The following DPP6 variants were observed in gnomAD, a reference collection of about 807,000 sequenced individuals.
DPP6 encodes the protein A-type potassium channel modulatory protein DPP6.
A neutral mutation model predicts 122.6 loss-of-function variants in DPP6; 69 were observed. The observed-to-expected ratio is 0.56, with a 90% CI of 0.46 to 0.69. The LOEUF is 0.69. Ranked by LOEUF, DPP6 falls within the 30% of genes least tolerant of loss-of-function variation. DPP6 has a pLI of 0.00. For missense variants in DPP6, 928 were observed against 1,116.9 expected (o/e 0.83, Z 2.41); for synonymous variants, 418 against 433.1 (o/e 0.97, Z 0.43).
At chr7:153,877,062 T>C in the DPP6 span, among the ~76,000 whole-genome samples, 1 of 151,960 alleles carries the variant, frequency 6.6e-6, no homozygotes, top group Non-Finnish European at 1.5e-5. Context: ...TACACTACTG[T>C]AGACTTTCCC....
intron 6 of DPP6, among the ~76,000 whole-genome samples, chr7:154,653,460 T>C (rs1318882940): frequency 6.6e-6 from 1 of 152,110 alleles, no homozygotes; most frequent in Non-Finnish European, 1.5e-5. Flanking sequence ...AGATGACAGA[T>C]AGACATATAG....
At chr7:154,839,932 C>T (rs190208077) in intron 16 of DPP6, among the ~76,000 whole-genome samples, 109 of 152,192 alleles carry the variant, frequency 7.2e-4, no homozygotes, top group Middle Eastern at 3.4e-3. Flanking sequence ...AACCCTCGGG[C>T]AGGAGAGTGG....
chr7:154,290,922 T>C, intron 1 of DPP6, among the ~76,000 whole-genome samples: 1 of 152,098 alleles, frequency 6.6e-6, no homozygotes, highest in East Asian at 1.9e-4. Context: ...AGTGTCTAAA[T>C]AGGAACTGGG....
intron 1 of DPP6, among the ~76,000 whole-genome samples, chr7:154,017,728 A>G (rs1230081613): frequency 6.6e-4 from 61 of 92,448 alleles, no homozygotes; most frequent in Middle Eastern, 9.8e-3. Context: ...ATAAAAAAAT[A>G]AAAAAAAAAA....
At chr7:153,770,939 T>C in the DPP6 span, among the ~76,000 whole-genome samples, 1 of 151,882 alleles carries the variant, frequency 6.6e-6, no homozygotes, top group East Asian at 1.9e-4. Context: ...AAAGCAAAAA[T>C]AAAAGGAACA....
intron 4 of DPP6, among the ~76,000 whole-genome samples, chr7:154,558,106 AC>A (rs144643058): frequency 5.4e-5 from 8 of 147,584 alleles, no homozygotes; most frequent in South Asian, 2.2e-4. Context: ...TTACCCCTCC[AC>A]CCCCCCACAG....
intron 1 of DPP6, among the ~76,000 whole-genome samples, chr7:153,892,650 G>GT (rs1416290817): frequency 3.1e-4 from 47 of 152,264 alleles, no homozygotes; most frequent in African/African-American, 1.1e-3. Context: ...TAGGAGTGTG[G>GT]CCTTCAGTAA....
intron 1 of DPP6, among the ~76,000 whole-genome samples, chr7:154,377,062 T>C (rs1280068980): frequency 6.6e-6 from 1 of 152,180 alleles, no homozygotes; most frequent in Non-Finnish European, 1.5e-5. Flanking sequence ...TGTTGACTAC[T>C]GCGTGCTTAA....
At chr7:154,865,913 C>T (rs1003282526) in intron 17 of DPP6, among the ~76,000 whole-genome samples, 2 of 152,190 alleles carry the variant, frequency 1.3e-5, no homozygotes, top group Non-Finnish European at 2.9e-5. Flanking sequence ...ACCCCGGGTA[C>T]CCAAAACTAG....
chr7:154,404,781 T>G (rs1477892236), intron 1 of DPP6, among the ~76,000 whole-genome samples: 1 of 152,342 alleles, frequency 6.6e-6, no homozygotes, highest in Non-Finnish European at 1.5e-5. Flanking sequence ...ATCAACCTTA[T>G]GTTGCAAGAG....
intron 2 of DPP6, among the ~76,000 whole-genome samples, chr7:154,460,470 G>A (rs1262581865): frequency 1.3e-5 from 2 of 151,978 alleles, no homozygotes; most frequent in African/African-American, 2.4e-5. Context: ...ATTTTTTCAT[G>A]TATAAATTTC....
chr7:154,648,389 G>C (rs11243352), intron 6 of DPP6, among the ~76,000 whole-genome samples: 2 of 151,698 alleles, frequency 1.3e-5, no homozygotes, highest in Non-Finnish European at 2.9e-5. Flanking sequence ...TTGTTTCTAC[G>C]TCACCTCCTC....
In DPP6 at chr7:154,052,784, A is replaced by G. The variant is rs1800458491; in HGVS notation, c.-37A>G. 1.4e-6 allele frequency: 2 copies of G among 1,466,884 alleles called. No individual in the cohort carries two copies. Among genetic ancestry groups the G allele is most frequent in the Middle Eastern group, 1.8e-4 (1 of 5,578 alleles). 90.9% of individuals were successfully genotyped at this position (1,466,884 alleles called of 1,614,324 possible). A position where few individuals can be genotyped will look rare whatever the true frequency, so the allele number is the denominator to read the frequency against. On this transcript the variant is annotated 5_prime_UTR_variant, in exon 1 of 26. Coordinates refer to ENST00000377770, the MANE Select transcript of DPP6 (RefSeq NM_130797.4). This position sits in a 1 kb window ranked among gnomAD's most constrained non-coding sequence, Gnocchi z 4.8. ...AACCGGAGAGAAAGCAAAATATTAA[A>G]AAGCCCCAAAGACAGCCAGCAGGAG...
chr7:154,540,376 G>C (rs1416855451), intron 3 of DPP6, among the ~76,000 whole-genome samples, 156 bp from the exon 4 acceptor site: 1 of 152,124 alleles, frequency 6.6e-6, no homozygotes, highest in Admixed American at 6.6e-5. Context: ...ATTAAGAAGA[G>C]CTGGGCATAT....
In DPP6 at chr7:154,892,967, G is replaced by C. The variant is rs1475033089; in HGVS notation, c.*487G>C. 3.9e-6 allele frequency: 2 copies of C among 517,570 alleles called. No individual in the cohort carries two copies. Among genetic ancestry groups the C allele is most frequent in the Non-Finnish European group, 7.7e-6 (2 of 258,486 alleles). The allele number at this position is 517,570 out of a possible 1,614,324, so 32.1% of individuals were successfully genotyped here. On this transcript the variant is annotated 3_prime_UTR_variant, in exon 26 of 26. Coordinates refer to ENST00000377770, the MANE Select transcript of DPP6 (RefSeq NM_130797.4). ...TTTAGCAGTGCGTGTTCATATATGG[G>C]CTTGCTACTTCCTGTAATGAGGACG...
chr7:154,617,083 G>A (rs559775892), intron 5 of DPP6, among the ~76,000 whole-genome samples: 2 of 152,280 alleles, frequency 1.3e-5, no homozygotes, highest in South Asian at 2.1e-4. Flanking sequence ...AATGTGTTTG[G>A]TTTGGCTTTT....
At chr7:154,806,658 G>A (rs1798714285) in intron 15 of DPP6, among the ~76,000 whole-genome samples, 1 of 152,236 alleles carries the variant, frequency 6.6e-6, no homozygotes, top group Non-Finnish European at 1.5e-5. Flanking sequence ...TGCAGATAGA[G>A]TGCTAGATCA....
chr7:154,841,676 A>C (rs1801558209), intron 16 of DPP6, among the ~76,000 whole-genome samples: 1 of 151,792 alleles, frequency 6.6e-6, no homozygotes, highest in Non-Finnish European at 1.5e-5. Context: ...CTAGAGCAAG[A>C]GGTTCCCTGT....
the DPP6 span, among the ~76,000 whole-genome samples, chr7:153,870,317 T>C: frequency 3.3e-5 from 5 of 152,238 alleles, no homozygotes; most frequent in Non-Finnish European, 7.3e-5. Context: ...TCTTTTCACA[T>C]AGTCCCATAT....
Sources: allele counts gnomAD v4.1 joint callset (sites outside exome capture counted in the v4.1 genomes callset), GRCh38; gene constraint gnomAD v4.1.1; non-coding constraint Gnocchi (gnomAD v3.1); transcripts MANE v1.5; gene names NCBI Gene and HGNC (gene_info 2026-07-23, HGNC 2026-07-21).